Variants in GRIK2 observed in about 807,000 individuals in gnomAD.
GRIK2 encodes the protein glutamate ionotropic receptor kainate type subunit 2.
Under a neutral mutation model 100.3 loss-of-function variants are expected in GRIK2, and 32 were observed. That is an observed-to-expected ratio of 0.32 (90% CI 0.24 to 0.43). The LOEUF is 0.43. Ranked by LOEUF, GRIK2 falls within the 20% of genes least tolerant of loss-of-function variation. GRIK2 has a pLI of 1.00. For missense variants in GRIK2, 843 were observed against 1,114.9 expected (o/e 0.76, Z 3.47); for synonymous variants, 417 against 389.4 (o/e 1.07, Z -0.83).
chr6:101,675,536 A>AT (rs1770771673), intron 4 of GRIK2, among the ~76,000 whole-genome samples: 1 of 152,108 alleles, frequency 6.6e-6, no homozygotes. Flanking sequence ...CTGCAATGGA[A>AT]TTGGATGATC....
At chr6:101,885,915 T>C (rs1038525621) in intron 11 of GRIK2, among the ~76,000 whole-genome samples, 5 of 152,118 alleles carry the variant, frequency 3.3e-5, no homozygotes, top group Admixed American at 6.6e-5. Flanking sequence ...TTGATACATT[T>C]ATGATTAAAG....
chr6:101,432,053 G>A (rs756195013), intron 2 of GRIK2, among the ~76,000 whole-genome samples: 15 of 152,160 alleles, frequency 9.9e-5, no homozygotes, highest in South Asian at 2.1e-4. Flanking sequence ...ATACTCTTGC[G>A]CATAATTAAG....
At chr6:101,936,642 A>G (rs1230371904) in intron 14 of GRIK2, among the ~76,000 whole-genome samples, 2 of 152,178 alleles carry the variant, frequency 1.3e-5, no homozygotes, top group Middle Eastern at 6.8e-3. Flanking sequence ...TAAGGACTAC[A>G]GGAAACCAAC....
chr6:101,440,229 C>T (rs987297370), intron 2 of GRIK2, among the ~76,000 whole-genome samples: 9 of 151,906 alleles, frequency 5.9e-5, no homozygotes, highest in South Asian at 2.1e-4. Context: ...TGAAATTGGA[C>T]GGAGAAAAAA....
chr6:101,617,842 G>GTC (rs1779968309), intron 2 of GRIK2, among the ~76,000 whole-genome samples: 1 of 151,270 alleles, frequency 6.6e-6, no homozygotes, highest in Admixed American at 6.6e-5. Context: ...CTCTCCCTCT[G>GTC]TCACACACAC....
chr6:101,750,698 A>C (rs985246667), intron 7 of GRIK2, among the ~76,000 whole-genome samples: 23 of 152,184 alleles, frequency 1.5e-4, no homozygotes, highest in African/African-American at 5.1e-4. Flanking sequence ...TGATTTGGGA[A>C]AGTTAGTAGC....
chr6:101,570,799 T>G (rs972411962), intron 2 of GRIK2, among the ~76,000 whole-genome samples: 2 of 151,960 alleles, frequency 1.3e-5, no homozygotes, highest in Non-Finnish European at 2.9e-5. Context: ...TGGATGGGAG[T>G]CTTGACTTTA....
chr6:101,644,273 A>T (rs1410669735), intron 4 of GRIK2, among the ~76,000 whole-genome samples: 3 of 151,872 alleles, frequency 2.0e-5, no homozygotes, highest in Non-Finnish European at 4.4e-5. Flanking sequence ...AACTAAACAG[A>T]GATGACATTT....
At chr6:101,450,143 A>C (rs190750187) in intron 2 of GRIK2, among the ~76,000 whole-genome samples, 1 of 151,828 alleles carries the variant, frequency 6.6e-6, no homozygotes, top group Non-Finnish European at 1.5e-5. Flanking sequence ...TAGTTCTTAG[A>C]CTTCTATCAT....
chr6:101,720,168 A>G (rs1774378675), intron 7 of GRIK2, among the ~76,000 whole-genome samples: 1 of 151,944 alleles, frequency 6.6e-6, no homozygotes, highest in Non-Finnish European at 1.5e-5. Context: ...CTTACAAAAA[A>G]GGGTACTGCA....
At chr6:101,568,772 G>T (rs1203178041) in intron 2 of GRIK2, among the ~76,000 whole-genome samples, 6 of 151,884 alleles carry the variant, frequency 4.0e-5, no homozygotes, top group African/African-American at 9.6e-5. Context: ...TGATTTTTTG[G>T]TTATTTAAAA....
intron 15 of GRIK2, among the ~76,000 whole-genome samples, chr6:102,040,368 A>G (rs973403418): frequency 2.0e-5 from 3 of 151,514 alleles, no homozygotes; most frequent in African/African-American, 7.3e-5. Context: ...ATTATCTATG[A>G]ATATCAAAAA....
rs140405524 is a variant in GRIK2 at position 101,598,627 on chromosome 6, T to A, written c.116-23322T>A. ...AAAAAAAAAAGAAAGAAAAAAAATT[T>A]AAAAAAAAGGAAAAGGAAAACCAAA... On this transcript the variant is annotated intron_variant, in intron 2 of 16. Coordinates refer to ENST00000369134, the MANE Select transcript of GRIK2 (RefSeq NM_021956.5). 3.9e-3 allele frequency among the ~76,000 whole-genome samples: 568 copies of A among 144,888 alleles called. 1 individual carries two copies. Among genetic ancestry groups the A allele is most frequent in the African/African-American group, 0.013 (534 of 39,770 alleles).
chr6:101,662,056 G>A (rs995987090), intron 4 of GRIK2, among the ~76,000 whole-genome samples: 1 of 152,162 alleles, frequency 6.6e-6, no homozygotes, highest in African/African-American at 2.4e-5. Flanking sequence ...CAGAGGTAAG[G>A]CCCAGGCAGT....
At chr6:101,714,396 A>T (rs961076401) in intron 7 of GRIK2, among the ~76,000 whole-genome samples, 2 of 151,764 alleles carry the variant, frequency 1.3e-5, no homozygotes, top group East Asian at 3.9e-4. Flanking sequence ...CCATGCTTCA[A>T]ATATATTGAT....
At chr6:102,006,390 A>ATATATATATATAT (rs1315524835) in intron 14 of GRIK2, among the ~76,000 whole-genome samples, 2 of 114,096 alleles carry the variant, frequency 1.8e-5, no homozygotes, top group African/African-American at 4.6e-5. Context: ...ATATATATAT[A>ATATATATATATAT]TTTTTTTTTT....
At chr6:101,565,915 T>TTTTA (rs1484860305) in intron 2 of GRIK2, among the ~76,000 whole-genome samples, 21 of 123,310 alleles carry the variant, frequency 1.7e-4, no homozygotes, top group African/African-American at 7.0e-4. Context: ...TATACCTATT[T>TTTTA]TATATATATA....
intron 15 of GRIK2, among the ~76,000 whole-genome samples, chr6:102,041,323 A>ACTT (rs1414712119): frequency 2.0e-5 from 3 of 151,662 alleles, no homozygotes; most frequent in African/African-American, 4.8e-5. Context: ...TAATTCATTT[A>ACTT]CTTATTAGTC....
At chr6:101,746,904 C>T (rs1392363659) in intron 7 of GRIK2, among the ~76,000 whole-genome samples, 2 of 152,116 alleles carry the variant, frequency 1.3e-5, no homozygotes, top group African/African-American at 4.8e-5. Context: ...TGGTTGTGTT[C>T]TCCTATGAAT....
Sources: gnomAD v4.1 joint callset for allele counts (sites outside exome capture counted in the v4.1 genomes callset) on GRCh38, gnomAD v4.1.1 for gene constraint, MANE v1.5 for transcripts, NCBI Gene and HGNC (gene_info 2026-07-23, HGNC 2026-07-21) for gene names.